Variants in RUSC1 observed in about 807,000 individuals in gnomAD.
The protein encoded by RUSC1 is RUN and SH3 domain containing 1.
In RUSC1, 40 loss-of-function variants were observed where a neutral mutation model predicts 72.1. The ratio of observed to expected loss-of-function variants is 0.55; its 90% confidence interval spans 0.43 to 0.72. RUSC1 has a LOEUF of 0.72. Among genes scored for constraint, RUSC1 ranks in the 30% least tolerant of loss-of-function variants. RUSC1 has a pLI of 0.00. For missense variants in RUSC1, 1,092 were observed against 1,172.3 expected, an observed-to-expected ratio of 0.93 and a Z score of 1.00; for synonymous variants, 512 against 494.2, an observed-to-expected ratio of 1.04 and a Z score of -0.48.
In RUSC1 at chr1:155,330,906, A is replaced by C. The variant is rs976910124; in HGVS notation, c.*335A>C. On this transcript the variant is annotated 3_prime_UTR_variant, in exon 10 of 10. Coordinates refer to ENST00000368352, the MANE Select transcript of RUSC1 (RefSeq NM_001105203.2). ...TCCATAAGTGGACTGTGCCAGTACA[A>C]TACATGCCTCAGCCCCCAAGCCTAG... 5 of 195,412 alleles carry C rather than the reference A, an allele frequency of 2.6e-5. No individual in the cohort carries two copies. The highest frequency in any genetic ancestry group is 2.1e-5 in the Non-Finnish European group (2 of 93,762). The allele number at this position is 195,412 out of a possible 1,614,324, so 12.1% of individuals were successfully genotyped here.
In RUSC1 at chr1:155,325,002, C is replaced by T; in HGVS notation, c.1456+59C>T. On this transcript the variant is annotated intron_variant, in intron 3 of 9. Transcript: ENST00000368352. The surrounding 1 kb of genome is among the most constrained non-coding windows in gnomAD (Gnocchi z 6.5). ...GAATAAACTGCCCTTCGCCCCCGGC[C>T]CTGCTCTCAGGCTGTCCGAAGGCAG... 6.2e-7 allele frequency: 1 copy of T among 1,613,846 alleles called. No homozygotes were observed. The highest frequency in any genetic ancestry group is 8.5e-7 in the Non-Finnish European group (1 of 1,179,756).
In RUSC1 at chr1:155,324,111, G is replaced by A. The variant is rs1050905704; in HGVS notation, c.1358-734G>A. On this transcript the variant is annotated intron_variant, in intron 2 of 9. Transcript: ENST00000368352. ...CATGCCAAGTCTAGGGGGTCCCAGCGAGTCTGTTGTTAGGGGCTTTGGGTC... is the reference window on the plus strand; with the variant it reads ...CATGCCAAGTCTAGGGGGTCCCAGCAAGTCTGTTGTTAGGGGCTTTGGGTC... 5.8e-6 allele frequency: 7 copies of A among 1,210,988 alleles called. No individual in the cohort carries two copies. The African/African-American group carries it at 1.1e-4, about 20-fold the overall frequency. The allele number at this position is 1,210,988 out of a possible 1,614,324, so 75.0% of individuals were successfully genotyped here.
chr1:155,326,323 C>T lies in RUSC1; in HGVS notation c.1862-257C>T, dbSNP rs1651404062. On this transcript the variant is annotated intron_variant, in intron 7 of 9. Transcript: ENST00000368352. This position sits in a 1 kb window ranked among gnomAD's most constrained non-coding sequence, Gnocchi z 4.7. The stretch of plus-strand genomic sequence containing the variant: ...TCATTTTGTATGTGCTTCTATGGCT[C>T]TCCTGTCCTCCTCCTCTGTAGCCTT... 1 of 569,142 alleles carries T rather than the reference C, an allele frequency of 1.8e-6. No individual in the cohort carries two copies. Among genetic ancestry groups the T allele is most frequent in the African/African-American group, 1.9e-5 (1 of 53,442 alleles). The allele number at this position is 569,142 out of a possible 1,614,324, so 35.3% of individuals were successfully genotyped here. A position where few individuals can be genotyped will look rare whatever the true frequency, so the allele number is the denominator to read the frequency against.
rs1319789732 is a variant in RUSC1, at chr1:155,324,832, T to TC, written c.1358-10dup. 6.2e-7 allele frequency: 1 copy of TC among 1,614,172 alleles called. No homozygotes were observed. The highest frequency in any genetic ancestry group is 1.1e-5 in the South Asian group (1 of 91,088). The stretch of plus-strand genomic sequence containing the variant: ...TTGGTAAGTGTTACCGCGCCCTTCT[T>TC]CCCTTACGCCAGTCCGTAGTTCGTG... On this transcript the variant is annotated splice_polypyrimidine_tract_variant and intron_variant, in intron 2 of 9. Transcript: ENST00000368352.
chr1:155,323,005 A>G lies in RUSC1; in HGVS notation c.1232A>G (p.Lys411Arg). 3 of 1,433,078 alleles carry G rather than the reference A, an allele frequency of 2.1e-6. No homozygotes were observed. The highest frequency in any genetic ancestry group is 2.9e-5 in the East Asian group (1 of 34,414). 88.8% of individuals were successfully genotyped at this position (1,433,078 alleles called of 1,614,324 possible). A position where few individuals can be genotyped will look rare whatever the true frequency, so the allele number is the denominator to read the frequency against. The change falls in exon 2 of 10, where the codon AAG becomes AGG. Residue 411 changes from lysine to arginine, a missense_variant. Coordinates refer to ENST00000368352, the MANE Select transcript of RUSC1 (RefSeq NM_001105203.2). ...CCCCCGCCTGTCCCTCCCCGAAGGAAGAAGAACCGACCTGGACTGCAGCCC... is the reference window on the plus strand; with the variant it reads ...CCCCCGCCTGTCCCTCCCCGAAGGAGGAAGAACCGACCTGGACTGCAGCCC... ...PPPPPVPPRR[K>R]KNRPGLQPIA...
In RUSC1 at chr1:155,322,902, C is replaced by G. The variant is rs959802943; in HGVS notation, c.1129C>G (p.Arg377Gly). 1 of 1,595,098 alleles carries G rather than the reference C, an allele frequency of 6.3e-7. No individual in the cohort carries two copies. Among genetic ancestry groups the G allele is most frequent in the Non-Finnish European group, 8.5e-7 (1 of 1,171,550 alleles). The change falls in exon 2 of 10, where the codon CGA becomes GGA. Residue 377 changes from arginine (R) to glycine (G), a missense_variant. Physicochemically the swap from Arg to Gly is moderately radical, Grantham distance 125 (BLOSUM62 -2). Coordinates refer to ENST00000368352, the MANE Select transcript of RUSC1 (RefSeq NM_001105203.2). ...CACCACCTTCAAGGAACTCCGGTCC[C>G]GAAGCCGGGCCCCAGCCCCGCCAGT... ...EVTTFKELRS[R>G]SRAPAPPVPP...
In RUSC1 at chr1:155,325,422, G is replaced by A. The variant is rs1361305623; in HGVS notation, c.1640G>A (p.Arg547Gln). The A allele has an allele frequency of 2.5e-6, 4 of 1,591,942 alleles. No individual in the cohort carries two copies. Among genetic ancestry groups the A allele is most frequent in the Non-Finnish European group, 3.4e-6 (4 of 1,173,446 alleles). Residue 547 changes from arginine (R) to glutamine (Q), a missense_variant, in exon 5 of 10, where the codon CGG (arginine) becomes CAG (glutamine). Coordinates refer to ENST00000368352, the MANE Select transcript of RUSC1 (RefSeq NM_001105203.2). The surrounding 1 kb of genome is among the most constrained non-coding windows in gnomAD (Gnocchi z 6.5). ...ALVADGLKPFRKDLITGQRRS... is the reference protein window; with the variant it reads ...ALVADGLKPFQKDLITGQRRS... ...GTGGCGGACGGGCTGAAGCCTTTCCGGAAGGACCTCATCACCGGGCAGCGC... is the reference window on the plus strand; with the variant it reads ...GTGGCGGACGGGCTGAAGCCTTTCCAGAAGGACCTCATCACCGGGCAGCGC...
chr1:155,325,426 G>A lies in RUSC1; in HGVS notation c.1644G>A (p.Lys548=), dbSNP rs867743333. 1.9e-6 allele frequency: 3 copies of A among 1,592,646 alleles called. No individual in the cohort carries two copies. The highest frequency in any genetic ancestry group is 2.6e-6 in the Non-Finnish European group (3 of 1,173,852). The change falls in exon 5 of 10, where the codon AAG becomes AAA. Residue 548 remains lysine, a synonymous_variant. Transcript: ENST00000368352. This position sits in a 1 kb window ranked among gnomAD's most constrained non-coding sequence, Gnocchi z 6.5. ...CGGACGGGCTGAAGCCTTTCCGGAA[G>A]GACCTCATCACCGGGCAGCGCAGGA... ...LVADGLKPFR[K]DLITGQRRSS...
chr1:155,323,884 C>T, intron 2 of RUSC1: 1 of 986,294 alleles, frequency 1.0e-6, no homozygotes, highest in Non-Finnish European at 1.2e-6. Context: ...CGCCCGGCCC[C>T]GTTTTCGCTT....
chr1:155,326,338 T>C lies in RUSC1; in HGVS notation c.1862-242T>C. 1 of 578,182 alleles carries C rather than the reference T, an allele frequency of 1.7e-6. No homozygotes were observed. The allele number at this position is 578,182 out of a possible 1,614,324, so 35.8% of individuals were successfully genotyped here. On this transcript the variant is annotated intron_variant, in intron 7 of 9. Transcript: ENST00000368352. The surrounding 1 kb of genome is among the most constrained non-coding windows in gnomAD (Gnocchi z 4.7). ...TTCTATGGCTCTCCTGTCCTCCTCC[T>C]CTGTAGCCTTTGCACTGTCTCTGTT...
At position 155,325,660 on chromosome 1, in the gene RUSC1, TG is replaced by T; in HGVS notation, c.1805del (p.Gly602AlafsTer132). The T allele has an allele frequency of 6.2e-7, 1 of 1,613,852 alleles. No individual in the cohort carries two copies. The highest frequency in any genetic ancestry group is 8.5e-7 in the Non-Finnish European group (1 of 1,179,960). On this transcript the variant is annotated frameshift_variant, in exon 6 of 10. Coordinates refer to ENST00000368352, the MANE Select transcript of RUSC1 (RefSeq NM_001105203.2). LOFTEE classifies it high-confidence loss of function. This position sits in a 1 kb window ranked among gnomAD's most constrained non-coding sequence, Gnocchi z 6.5. ...SSRSRFHAFI[L>X]GLLNTKQLEL... ...CGTAGCCGCTTCCATGCCTTTATCCTGGGCCTCCTCAAGTGAGTTGCCTTCT... is the reference window on the plus strand; with the variant it reads ...CGTAGCCGCTTCCATGCCTTTATCCTGGCCTCCTCAAGTGAGTTGCCTTCT...
rs1650965538 is a variant in RUSC1, at chr1:155,324,133, G to A, written c.1358-712G>A. The stretch of plus-strand genomic sequence containing the variant: ...AGCGAGTCTGTTGTTAGGGGCTTTG[G>A]GTCACACCCTCTGTGGAATTCCTTG... On this transcript the variant is annotated intron_variant, in intron 2 of 9. Coordinates refer to ENST00000368352, the MANE Select transcript of RUSC1 (RefSeq NM_001105203.2). 3.1e-6 allele frequency: 4 copies of A among 1,288,544 alleles called. No individual in the cohort carries two copies. In the South Asian group the frequency reaches 6.8e-5, roughly 22 times the overall value. 79.8% of individuals were successfully genotyped at this position (1,288,544 alleles called of 1,614,324 possible). A position where few individuals can be genotyped will look rare whatever the true frequency, so the allele number is the denominator to read the frequency against.
chr1:155,321,816 A>G lies in RUSC1; in HGVS notation c.43A>G (p.Ile15Val). Residue 15 changes from isoleucine to valine, a missense_variant, in exon 2 of 10, where the codon ATC becomes GTC. Coordinates refer to ENST00000368352, the MANE Select transcript of RUSC1 (RefSeq NM_001105203.2). ...AGCTTTACTCTGCAACCTCAACCAC[A>G]TCCACCTCCAGCACGTCTCCCTGGG... ...QRALLCNLNH[I>V]HLQHVSLGLH... 6.2e-7 allele frequency: 1 copy of G among 1,613,912 alleles called. No homozygotes were observed. The highest frequency in any genetic ancestry group is 8.5e-7 in the Non-Finnish European group (1 of 1,179,994).
rs201548870 is a variant in RUSC1, at chr1:155,322,750, G to C, written c.977G>C (p.Gly326Ala). The change falls in exon 2 of 10, where the codon GGC becomes GCC. Residue 326 changes from glycine (G) to alanine (A), a missense_variant. Coordinates refer to ENST00000368352, the MANE Select transcript of RUSC1 (RefSeq NM_001105203.2). ...GAGCTGGCCCAGAAGCGCAAGCGGG[G>C]CCCAGGGCTGCCCCTTGTCCCGCAG... ...FHELAQKRKR[G>A]PGLPLVPQAK... 104 of 1,613,990 alleles carry C rather than the reference G, an allele frequency of 6.4e-5. No homozygotes were observed. Among genetic ancestry groups the C allele is most frequent in the Admixed American group, 2.2e-4 (13 of 60,016 alleles).
chr1:155,321,993 T>C lies in RUSC1; in HGVS notation c.220T>C (p.Cys74Arg), dbSNP rs370581246. The change falls in exon 2 of 10, where the codon TGC becomes CGC. Residue 74 changes from cysteine to arginine, a missense_variant. Coordinates refer to ENST00000368352, the MANE Select transcript of RUSC1 (RefSeq NM_001105203.2). ...CAGCCCAGCTGTGCCCTGCCGGTGC[T>C]GCCAGGAGCACGGTCCGGGCCTAGA... ...SNSPAVPCRC[C>R]QEHGPGLENR... 6.2e-7 allele frequency: 1 copy of C among 1,600,684 alleles called. No homozygotes were observed. Among genetic ancestry groups the C allele is most frequent in the South Asian group, 1.1e-5 (1 of 89,334 alleles).
chr1:155,325,521 G>A lies in RUSC1; in HGVS notation c.1708+31G>A. 1.2e-6 allele frequency: 2 copies of A among 1,604,568 alleles called. No homozygotes were observed. Among genetic ancestry groups the A allele is most frequent in the Non-Finnish European group, 1.7e-6 (2 of 1,178,562 alleles). On this transcript the variant is annotated intron_variant, in intron 5 of 9. Transcript: ENST00000368352. The surrounding 1 kb of genome is among the most constrained non-coding windows in gnomAD (Gnocchi z 6.5). ...CCAGGAGGGCGTGGGACCCGGCAGT[G>A]CGCAGGGCAGGGCCGGGCTTGGCTG...
Position 155,326,507 on chromosome 1 carries a change from T to C in RUSC1, c.1862-73T>C, listed in dbSNP as rs2148280595. On this transcript the variant is annotated intron_variant, in intron 7 of 9. Transcript: ENST00000368352. This position sits in a 1 kb window ranked among gnomAD's most constrained non-coding sequence, Gnocchi z 4.7. Reference sequence around the variant, plus strand: ...GAGGCCTGGGAAGATGTGTGCTGACTGGTGGGCTGCTCTGGGGGGTCTTCT... The same window carrying C: ...GAGGCCTGGGAAGATGTGTGCTGACCGGTGGGCTGCTCTGGGGGGTCTTCT... The C allele has an allele frequency of 1.4e-6, 2 of 1,449,550 alleles. No homozygotes were observed. Among genetic ancestry groups the C allele is most frequent in the Non-Finnish European group, 9.4e-7 (1 of 1,062,278 alleles). 89.8% of individuals were successfully genotyped at this position (1,449,550 alleles called of 1,614,324 possible).
In RUSC1 at chr1:155,325,891, C is replaced by T. The variant is rs1557997282; in HGVS notation, c.1842C>T (p.Ser614=). ...LNTKQLELWF[S]SLQEDAGLLS... is the part of the protein sequence containing the mutation. ...CCAAGCAGTTGGAGCTGTGGTTTTCCAGTCTCCAGGAAGATGCAGGTCAGA... is the reference window on the plus strand; with the variant it reads ...CCAAGCAGTTGGAGCTGTGGTTTTCTAGTCTCCAGGAAGATGCAGGTCAGA... The change falls in exon 7 of 10, where the codon TCC becomes TCT. Residue 614 remains serine, a synonymous_variant. Coordinates refer to ENST00000368352, the MANE Select transcript of RUSC1 (RefSeq NM_001105203.2). This position sits in a 1 kb window ranked among gnomAD's most constrained non-coding sequence, Gnocchi z 6.5. The T allele has an allele frequency of 1.2e-6, 2 of 1,614,136 alleles. No homozygotes were observed. The highest frequency in any genetic ancestry group is 1.7e-5 in the Admixed American group (1 of 60,018).
chr1:155,328,114 G>A, intron 8 of RUSC1, 36 bp from the exon 9 acceptor site: 2 of 1,592,824 alleles, frequency 1.3e-6, no homozygotes, highest in Non-Finnish European at 1.7e-6. Flanking sequence ...TTTTCTGGAA[G>A]TGGGTTGAGC....
Sources: gnomAD v4.1 joint callset for allele counts on GRCh38, gnomAD v4.1.1 for gene constraint, Gnocchi (gnomAD v3.1) non-coding constraint, MANE v1.5 for transcripts, NCBI Gene and HGNC (gene_info 2026-07-23, HGNC 2026-07-21) for gene names.